The following RUBCNL variants were observed in gnomAD, a reference collection of about 807,000 sequenced individuals.
RUBCNL encodes the protein protein associated with UVRAG as autophagy enhancer.
In RUBCNL, 62 loss-of-function variants were observed where a neutral mutation model predicts 69.5. That is an observed-to-expected ratio of 0.89 (90% CI 0.73 to 1.10). The LOEUF (loss-of-function observed/expected upper bound fraction) is 1.10, where lower values mean the gene tolerates loss of function less well. Among genes scored for constraint, RUBCNL ranks in the 50% least tolerant of loss-of-function variants. The pLI is 0.00. For synonymous variants in RUBCNL, 291 were observed against 303.6 expected, an observed-to-expected ratio of 0.96 and a Z score of 0.43; for missense variants, 768 against 798.1, an observed-to-expected ratio of 0.96 and a Z score of 0.45.
chr13:46,377,791 T>C (rs1292777659), intron 2 of RUBCNL, 99 bp downstream of exon 2: 4 of 576,666 alleles, frequency 6.9e-6, no homozygotes, highest in African/African-American at 3.8e-5. Flanking sequence ...AATCAAAGCA[T>C]TGAGAGTTAG....
chr13:46,359,448 T>C (rs2048562443), intron 9 of RUBCNL, 38 bp downstream of exon 9: 4 of 1,583,002 alleles, frequency 2.5e-6, no homozygotes, highest in Non-Finnish European at 3.4e-6. Context: ...CAATGTGATT[T>C]AAATGGATTG....
chr13:46,371,445 A>C (rs1293830262), intron 3 of RUBCNL, among the ~76,000 whole-genome samples: 1 of 152,232 alleles, frequency 6.6e-6, no homozygotes, highest in East Asian at 1.9e-4. Flanking sequence ...TTTTAATAAA[A>C]AGGGGTTTTG....
At chr13:46,355,149 G>A (rs2048456648) in intron 10 of RUBCNL, among the ~76,000 whole-genome samples, 1 of 152,128 alleles carries the variant, frequency 6.6e-6, no homozygotes, top group Non-Finnish European at 1.5e-5. Flanking sequence ...TTCAAAAACC[G>A]ACTATCAAAG....
intron 1 of RUBCNL, among the ~76,000 whole-genome samples, chr13:46,385,782 G>A (rs1389369176): frequency 6.6e-6 from 1 of 152,002 alleles, no homozygotes; most frequent in Non-Finnish European, 1.5e-5. Flanking sequence ...GTTGTTAAAC[G>A]GTTGCATGAA....
chr13:46,353,445 C>T (rs112548079), intron 10 of RUBCNL, among the ~76,000 whole-genome samples: 75 of 152,318 alleles, frequency 4.9e-4, no homozygotes, highest in African/African-American at 1.7e-3. Context: ...ACAGAATACA[C>T]TAATGTCCAT....
At chr13:46,345,209 T>C (rs1167406906) in intron 13 of RUBCNL, among the ~76,000 whole-genome samples, 1 of 152,210 alleles carries the variant, frequency 6.6e-6, no homozygotes, top group East Asian at 1.9e-4. Context: ...GAGTGGGCCC[T>C]GAGCAGAACT....
chr13:46,379,749 A>T (rs1213968399), intron 1 of RUBCNL, among the ~76,000 whole-genome samples: 2 of 152,238 alleles, frequency 1.3e-5, no homozygotes, highest in African/African-American at 4.8e-5. Context: ...ACAAATACTG[A>T]GTAGAGCATG....
intron 2 of RUBCNL, among the ~76,000 whole-genome samples, chr13:46,376,419 C>T (rs1443990418): frequency 2.6e-5 from 4 of 151,970 alleles, no homozygotes; most frequent in Non-Finnish European, 5.9e-5. Flanking sequence ...CTTGAAAACA[C>T]TACAAAAGCC....
chr13:46,385,822 C>A (rs919437933), intron 1 of RUBCNL, among the ~76,000 whole-genome samples: 3 of 152,196 alleles, frequency 2.0e-5, no homozygotes, highest in Non-Finnish European at 2.9e-5. Context: ...TAACCCCTCA[C>A]CCCGCTCCAA....
chr13:46,362,377 G>T (rs538237357), intron 7 of RUBCNL, among the ~76,000 whole-genome samples, 161 bp downstream of exon 7: 1 of 152,184 alleles, frequency 6.6e-6, no homozygotes, highest in South Asian at 2.1e-4. Flanking sequence ...AGAAACTTTG[G>T]GGGTGATTGT....
chr13:46,335,133 T>A lies in RUBCNL; in HGVS notation c.*8252A>T, dbSNP rs1268339169. Among the ~76,000 whole-genome samples the A allele has an allele frequency of 6.6e-6, 1 of 151,742 alleles. No homozygotes were observed. The highest frequency in any genetic ancestry group is 2.4e-5 in the African/African-American group (1 of 41,290). ...AGGCTGGAATGCAGTGGCGGGATCA[T>A]GCCTCACTACAGCCTCAAACTCCTG... On this transcript the variant is annotated 3_prime_UTR_variant, in exon 15 of 15. Transcript: ENST00000429979.
chr13:46,375,909 C>A (rs143530447), intron 2 of RUBCNL, among the ~76,000 whole-genome samples: 171 of 152,280 alleles, frequency 1.1e-3, no homozygotes, highest in Middle Eastern at 3.4e-3. Flanking sequence ...CATGAGGCAG[C>A]AAGACTAACG....
Position 46,339,496 on chromosome 13 carries a change from T to A in RUBCNL, c.*3889A>T, listed in dbSNP as rs181496720. On this transcript the variant is annotated 3_prime_UTR_variant, in exon 15 of 15. Coordinates refer to ENST00000429979, the MANE Select transcript of RUBCNL (RefSeq NM_025113.5). ...CTGAATGTCAAACCCCTTCCTGACA[T>A]GTCTACCACGTTCCTTCCAGCAGGT... 1.3e-5 allele frequency among the ~76,000 whole-genome samples: 2 copies of A among 152,278 alleles called. No individual in the cohort carries two copies. Among genetic ancestry groups the A allele is most frequent in the Non-Finnish European group, 2.9e-5 (2 of 68,034 alleles).
At chr13:46,370,640 T>C (rs1260283215) in intron 3 of RUBCNL, among the ~76,000 whole-genome samples, 1 of 152,186 alleles carries the variant, frequency 6.6e-6, no homozygotes, top group East Asian at 1.9e-4. Flanking sequence ...GGGGTATCTG[T>C]TTTCTTTCTG....
chr13:46,340,307 C>T lies in RUBCNL; in HGVS notation c.*3078G>A, dbSNP rs556909928. On this transcript the variant is annotated 3_prime_UTR_variant, in exon 15 of 15. Coordinates refer to ENST00000429979, the MANE Select transcript of RUBCNL (RefSeq NM_025113.5). ...CACAACAGTAGCTATTGTTCTAATC[C>T]TTGTATTACAGATTATAAACTGAGA... Among the ~76,000 whole-genome samples, 19 of 152,234 alleles carry T rather than the reference C, an allele frequency of 1.2e-4. No individual in the cohort carries two copies. The highest frequency in any genetic ancestry group is 3.4e-3 in the Middle Eastern group (1 of 294).
chr13:46,349,604 T>G (rs2048324895), intron 11 of RUBCNL, among the ~76,000 whole-genome samples: 1 of 151,858 alleles, frequency 6.6e-6, no homozygotes, highest in South Asian at 2.1e-4. Context: ...AACATAATAC[T>G]AAGTATAAGA....
intron 2 of RUBCNL, among the ~76,000 whole-genome samples, chr13:46,374,161 C>A (rs895846661): frequency 2.0e-5 from 3 of 152,234 alleles, no homozygotes; most frequent in African/African-American, 7.2e-5. Flanking sequence ...CTCACTCCAA[C>A]CTCTGCCTCC....
chr13:46,385,273 T>A, intron 1 of RUBCNL: 2 of 984,142 alleles, frequency 2.0e-6, no homozygotes, highest in Non-Finnish European at 2.4e-6. Context: ...ATTTTCCAGC[T>A]TCTTAACTGA....
Position 46,375,871 on chromosome 13 carries a change from CAT to C in RUBCNL, c.-123+2017_-123+2018del, listed in dbSNP as rs1252397710. On this transcript the variant is annotated intron_variant, in intron 2 of 14. Transcript: ENST00000429979. ...GATTTGAACTTTGTGGGTCCACTAACATGTGGATTTTCTTCCATATCTGTCAC... is the reference window on the plus strand; with the variant it reads ...GATTTGAACTTTGTGGGTCCACTAACGTGGATTTTCTTCCATATCTGTCAC... Among the ~76,000 whole-genome samples, 8 of 152,300 alleles carry C rather than the reference CAT, an allele frequency of 5.3e-5. 1 individual carries two copies. The highest frequency in any genetic ancestry group is 4.6e-4 in the Admixed American group (7 of 15,282).
Sources: gnomAD v4.1 joint callset for allele counts (sites outside exome capture counted in the v4.1 genomes callset) on GRCh38, gnomAD v4.1.1 for gene constraint, MANE v1.5 for transcripts, NCBI Gene and HGNC (gene_info 2026-07-23, HGNC 2026-07-21) for gene names.